Variants in WWOX observed in about 807,000 individuals in gnomAD.
WWOX encodes the protein WW domain containing oxidoreductase, also known as WW domain-containing oxidoreductase.
WWOX carries 69 observed loss-of-function variants against 46.2 expected under a neutral mutation model. The ratio of observed to expected loss-of-function variants is 1.49; its 90% CI spans 1.23 to 1.82. The LOEUF (loss-of-function observed/expected upper bound fraction) is 1.82, where lower values mean the gene tolerates loss of function less well. WWOX is among the 40% of genes most tolerant of loss of function. The probability of loss-of-function intolerance (pLI) is 0.00; values close to 1 mark genes in which losing one functional copy is unlikely to be tolerated. For synonymous variants in WWOX, 359 were observed against 202.6 expected (o/e 1.77, Z -6.56); for missense variants, 919 against 542.6 (o/e 1.69, Z -6.89).
intron 5 of WWOX, among the ~76,000 whole-genome samples, chr16:78,315,677 G>A (rs1317219277): frequency 2.0e-5 from 3 of 152,106 alleles, no homozygotes; most frequent in African/African-American, 7.2e-5. Flanking sequence ...TAAAAATTAT[G>A]TGATTAGAGA....
At chr16:78,794,471 C>T (rs2050687242) in intron 8 of WWOX, among the ~76,000 whole-genome samples, 2 of 152,212 alleles carry the variant, frequency 1.3e-5, no homozygotes, top group Admixed American at 6.5e-5. Flanking sequence ...ACAAATCCTT[C>T]CATCTATGTG....
chr16:78,150,296 C>G (rs907176744), intron 4 of WWOX, among the ~76,000 whole-genome samples: 3 of 152,152 alleles, frequency 2.0e-5, no homozygotes, highest in Non-Finnish European at 4.4e-5. Context: ...GCTTCCATAC[C>G]CCCTCCCGGC....
intron 5 of WWOX, among the ~76,000 whole-genome samples, chr16:78,363,996 C>CA (rs1033557896): frequency 2.4e-4 from 36 of 152,330 alleles, no homozygotes; most frequent in African/African-American, 8.7e-4. Flanking sequence ...AGGAATTCTT[C>CA]AAAACAATTT....
chr16:79,197,736 A>T (rs369251156), intron 8 of WWOX, among the ~76,000 whole-genome samples: 14 of 152,246 alleles, frequency 9.2e-5, no homozygotes, highest in African/African-American at 3.4e-4. Context: ...TTTGCTACGG[A>T]TTGTGGTGAA....
At chr16:78,246,253 G>A (rs1043621252) in intron 5 of WWOX, among the ~76,000 whole-genome samples, 1 of 152,132 alleles carries the variant, frequency 6.6e-6, no homozygotes, top group Non-Finnish European at 1.5e-5. Flanking sequence ...TTTAAATCAT[G>A]TACCGTGAAA....
chr16:78,115,866 C>T (rs1448939452), intron 4 of WWOX, among the ~76,000 whole-genome samples: 1 of 152,162 alleles, frequency 6.6e-6, no homozygotes, highest in Non-Finnish European at 1.5e-5. Context: ...TATGCATCTT[C>T]AGATTTGTCG....
chr16:78,833,032 ATC>A (rs895634776), intron 8 of WWOX, among the ~76,000 whole-genome samples: 3 of 109,474 alleles, frequency 2.7e-5, no homozygotes, highest in African/African-American at 5.8e-5. Context: ...TTTTCTCTCG[ATC>A]TTTTTTTTTT....
intron 5 of WWOX, among the ~76,000 whole-genome samples, chr16:78,331,383 A>C (rs2080753840): frequency 1.3e-5 from 2 of 152,384 alleles, no homozygotes; most frequent in South Asian, 4.1e-4. Context: ...CAAATGAAAC[A>C]GGCAACCAGG....
chr16:79,212,070 G>C lies in WWOX; in HGVS notation c.*274G>C. On this transcript the variant is annotated 3_prime_UTR_variant, in exon 9 of 9. Transcript: ENST00000566780. ...AAAGTAAAAACCTGCTTGGTGTGTA[G>C]GTTCCGTATCTCCCTGGAGAAGCAC... is the stretch of plus-strand genomic sequence containing the variant. 3 of 1,536,470 alleles carry C rather than the reference G, an allele frequency of 2.0e-6. No homozygotes were observed. The highest frequency in any genetic ancestry group is 2.6e-6 in the Non-Finnish European group (3 of 1,146,954).
intron 5 of WWOX, among the ~76,000 whole-genome samples, chr16:78,247,790 C>T (rs190601264): frequency 1.3e-5 from 2 of 152,306 alleles, no homozygotes; most frequent in African/African-American, 4.8e-5. Context: ...CTTTCACCCA[C>T]CTGTGCTCCT....
At chr16:79,096,339 AG>A (rs1419609073) in intron 8 of WWOX, among the ~76,000 whole-genome samples, 5 of 151,948 alleles carry the variant, frequency 3.3e-5, no homozygotes, top group African/African-American at 1.2e-4. Flanking sequence ...CATGCTCTCG[AG>A]CTGGCCATGG....
intron 8 of WWOX, among the ~76,000 whole-genome samples, chr16:78,921,614 G>T (rs1345627407): frequency 6.6e-6 from 1 of 152,154 alleles, no homozygotes; most frequent in Admixed American, 6.5e-5. Context: ...AGCTCAGGGA[G>T]GTTACATGGA....
At chr16:78,364,097 C>CT (rs1287882912) in intron 5 of WWOX, among the ~76,000 whole-genome samples, 1 of 152,162 alleles carries the variant, frequency 6.6e-6, no homozygotes, top group Non-Finnish European at 1.5e-5. Context: ...AGCTAGTGAC[C>CT]TTGCCCTTCC....
At chr16:78,667,515 C>T (rs1054871983) in intron 8 of WWOX, among the ~76,000 whole-genome samples, 3 of 151,450 alleles carry the variant, frequency 2.0e-5, no homozygotes, top group African/African-American at 7.3e-5. Flanking sequence ...CTAAAAAGTA[C>T]AAAAAATTAG....
chr16:78,504,112 A>G (rs2085135652), intron 8 of WWOX, among the ~76,000 whole-genome samples: 1 of 152,178 alleles, frequency 6.6e-6, no homozygotes, highest in African/African-American at 2.4e-5. Flanking sequence ...ATTAAGTTTT[A>G]ATGACTTCAA....
At position 78,761,460 on chromosome 16, in the gene WWOX, C is replaced by T. The variant is rs80169631; in HGVS notation, c.1056+328708C>T. Reference sequence around the variant, plus strand: ...AGACCATCAAACTCACCATTGTCACCGGGGAGAAATTTGTGTTGGCTGAAA... The same window carrying T: ...AGACCATCAAACTCACCATTGTCACTGGGGAGAAATTTGTGTTGGCTGAAA... On this transcript the variant is annotated intron_variant, in intron 8 of 8. Coordinates refer to ENST00000566780, the MANE Select transcript of WWOX (RefSeq NM_016373.4). Among the ~76,000 whole-genome samples the T allele has an allele frequency of 4.1e-3, 623 of 152,186 alleles. 4 individuals are homozygous for T. The highest frequency in any genetic ancestry group is 0.013 in the African/African-American group (533 of 41,518).
At chr16:78,735,185 G>A (rs1222395006) in intron 8 of WWOX, among the ~76,000 whole-genome samples, 1 of 151,944 alleles carries the variant, frequency 6.6e-6, no homozygotes, top group African/African-American at 2.4e-5. Context: ...GTCTTTTCCT[G>A]CCTTCAGACT....
chr16:78,985,170 C>T (rs1282123677), intron 8 of WWOX, among the ~76,000 whole-genome samples: 1 of 152,198 alleles, frequency 6.6e-6, no homozygotes, highest in Admixed American at 6.5e-5. Flanking sequence ...GCTGCCATGA[C>T]ATCGGCATGC....
At chr16:79,131,145 C>T (rs2049870084) in intron 8 of WWOX, among the ~76,000 whole-genome samples, 2 of 152,278 alleles carry the variant, frequency 1.3e-5, no homozygotes, top group East Asian at 1.9e-4. Context: ...CCCGGGCCTT[C>T]CTTCCCAAGC....
Sources: gnomAD v4.1 joint callset for allele counts (sites outside exome capture counted in the v4.1 genomes callset) on GRCh38, gnomAD v4.1.1 for gene constraint, MANE v1.5 for transcripts, NCBI Gene and HGNC (gene_info 2026-07-23, HGNC 2026-07-21) for gene names.